NALF1: variants seen among roughly 807,000 people sequenced by gnomAD.
The protein encoded by NALF1 is family with sequence similarity 155 member A.
In NALF1, 3 loss-of-function variants were observed where a neutral mutation model predicts 48.4. The ratio of observed to expected loss-of-function variants is 0.06; its 90% CI spans 0.03 to 0.16. NALF1 has a LOEUF of 0.16. NALF1 is among the 10% of genes least tolerant of loss of function. The pLI is 1.00. For missense variants in NALF1, 526 were observed against 571.5 expected (o/e 0.92, Z 0.81); for synonymous variants, 262 against 245.7 (o/e 1.07, Z -0.62).
At position 107,170,236 on chromosome 13, in the gene NALF1, G is replaced by A. The variant is rs1407079787; in HGVS notation, c.*261C>T. On this transcript the variant is annotated 3_prime_UTR_variant, in exon 3 of 3. Transcript: ENST00000375915. Reference sequence around the variant, plus strand: ...CAAACAAATAAACCCAAACCAAAACGAAAGCAAATAAAACCTCCAAACATT... The same window carrying A: ...CAAACAAATAAACCCAAACCAAAACAAAAGCAAATAAAACCTCCAAACATT... The A allele has an allele frequency of 8.2e-6, 3 of 365,128 alleles. No individual in the cohort carries two copies. Among genetic ancestry groups the A allele is most frequent in the Non-Finnish European group, 1.5e-5 (3 of 202,178 alleles). 22.6% of individuals were successfully genotyped at this position (365,128 alleles called of 1,614,324 possible).
intron 2 of NALF1, among the ~76,000 whole-genome samples, chr13:107,194,944 T>A (rs1879359574): frequency 6.6e-6 from 1 of 152,062 alleles, no homozygotes; most frequent in Admixed American, 6.5e-5. Context: ...GATGTACAAA[T>A]GGCCAACAAA....
chr13:107,433,807 G>A (rs1884421796), intron 1 of NALF1, among the ~76,000 whole-genome samples: 1 of 152,036 alleles, frequency 6.6e-6, no homozygotes, highest in Non-Finnish European at 1.5e-5. Context: ...AAGGTTAAAT[G>A]AACTCCCAGA....
intron 1 of NALF1, among the ~76,000 whole-genome samples, chr13:107,414,415 T>C (rs542869807): frequency 2.0e-5 from 3 of 151,364 alleles, no homozygotes; most frequent in South Asian, 2.1e-4. Context: ...TTCTTATAGT[T>C]TTCAAATGGA....
chr13:107,440,686 T>C (rs1235438632), intron 1 of NALF1, among the ~76,000 whole-genome samples: 1 of 152,150 alleles, frequency 6.6e-6, no homozygotes, highest in Non-Finnish European at 1.5e-5. Context: ...TTATTCTTAT[T>C]TGAGAGGATG....
At chr13:107,377,066 A>G (rs1293600966) in intron 1 of NALF1, among the ~76,000 whole-genome samples, 1 of 152,128 alleles carries the variant, frequency 6.6e-6, no homozygotes, top group Non-Finnish European at 1.5e-5. Flanking sequence ...AGAGTAGACA[A>G]AAACCACCAG....
At chr13:107,460,315 G>A (rs1274862048) in intron 1 of NALF1, among the ~76,000 whole-genome samples, 1 of 152,210 alleles carries the variant, frequency 6.6e-6, no homozygotes, top group East Asian at 1.9e-4. Context: ...CAGAGGTCCT[G>A]TAGATGGGAG....
At chr13:107,539,830 C>T (rs2247892) in intron 1 of NALF1, among the ~76,000 whole-genome samples, 29,117 of 151,966 alleles carry the variant, frequency 0.19, 2,912 homozygotes, top group African/African-American at 0.23. Flanking sequence ...AAGACTCAAA[C>T]TCAGTTCTAT....
intron 2 of NALF1, among the ~76,000 whole-genome samples, chr13:107,203,849 T>G (rs925502733): frequency 6.6e-6 from 1 of 152,214 alleles, no homozygotes; most frequent in Admixed American, 6.5e-5. Context: ...AAGGATAACT[T>G]GAACTACGTT....
At chr13:107,315,219 CTTT>C (rs1882123103) in intron 1 of NALF1, among the ~76,000 whole-genome samples, 1 of 151,788 alleles carries the variant, frequency 6.6e-6, no homozygotes, top group South Asian at 2.1e-4. Flanking sequence ...GTAATACATT[CTTT>C]GTTTTCTTAT....
chr13:107,264,127 T>C (rs9514643), intron 1 of NALF1, among the ~76,000 whole-genome samples: 121,210 of 152,152 alleles, frequency 0.8, 48,486 homozygotes, highest in South Asian at 0.89. Context: ...GAGAATGAGG[T>C]CATTATTTTT....
chr13:107,635,462 C>T (rs1879951474), intron 1 of NALF1, among the ~76,000 whole-genome samples: 1 of 86,784 alleles, frequency 1.2e-5, no homozygotes, highest in South Asian at 3.8e-4. Context: ...GGGCCCCTCT[C>T]ATGACATGCA....
intron 1 of NALF1, among the ~76,000 whole-genome samples, chr13:107,556,348 TATAG>T (rs1331521174): frequency 1.0e-4 from 15 of 147,624 alleles, no homozygotes; most frequent in East Asian, 5.9e-4. Flanking sequence ...CATATATATA[TATAG>T]AGAGAGAGAG....
At chr13:107,864,579 T>A (rs1221027026) in intron 1 of NALF1, among the ~76,000 whole-genome samples, 1 of 152,198 alleles carries the variant, frequency 6.6e-6, no homozygotes, top group African/African-American at 2.4e-5. Flanking sequence ...TTATTTCCCT[T>A]GAAAAGCAGT....
chr13:107,262,780 C>T (rs1268923177), intron 1 of NALF1, among the ~76,000 whole-genome samples: 2 of 151,870 alleles, frequency 1.3e-5, no homozygotes, highest in African/African-American at 4.8e-5. Context: ...CTCTCTCTCT[C>T]TCTCTCTCTC....
chr13:107,318,820 G>T (rs1186201547), intron 1 of NALF1, among the ~76,000 whole-genome samples: 1 of 152,014 alleles, frequency 6.6e-6, no homozygotes, highest in Non-Finnish European at 1.5e-5. Context: ...AATAAAGAAT[G>T]GTTTAGGTAA....
At chr13:107,558,296 C>G (rs910427671) in intron 1 of NALF1, among the ~76,000 whole-genome samples, 2 of 151,802 alleles carry the variant, frequency 1.3e-5, no homozygotes, top group Non-Finnish European at 2.9e-5. Context: ...TCTAATTGTA[C>G]ATTATTATTT....
chr13:107,242,284 T>A (rs1214041417), intron 1 of NALF1, among the ~76,000 whole-genome samples: 5 of 152,148 alleles, frequency 3.3e-5, no homozygotes, highest in African/African-American at 7.2e-5. Flanking sequence ...CAGCCGAGTG[T>A]CCTCACAGTG....
At chr13:107,809,759 T>C (rs1878929723) in intron 1 of NALF1, among the ~76,000 whole-genome samples, 1 of 152,250 alleles carries the variant, frequency 6.6e-6, no homozygotes, top group East Asian at 1.9e-4. Flanking sequence ...GAACGTTCAC[T>C]ATAGTCCACC....
chr13:107,416,887 T>C (rs1385062546), intron 1 of NALF1, among the ~76,000 whole-genome samples: 1 of 152,218 alleles, frequency 6.6e-6, no homozygotes, highest in Non-Finnish European at 1.5e-5. Flanking sequence ...CTCGACTTTA[T>C]TCAAAGCACC....
Sources: gnomAD v4.1 joint callset for allele counts (sites outside exome capture counted in the v4.1 genomes callset) on GRCh38, gnomAD v4.1.1 for gene constraint, MANE v1.5 for transcripts, NCBI Gene and HGNC (gene_info 2026-07-23, HGNC 2026-07-21) for gene names.